Variants in ENO2 observed in about 807,000 individuals in gnomAD.
ENO2 encodes the protein gamma-enolase.
In ENO2, 19 loss-of-function variants were observed where a neutral mutation model predicts 48.7. That is an observed-to-expected ratio of 0.39 (90% CI 0.27 to 0.57). The LOEUF (loss-of-function observed/expected upper bound fraction) is 0.57. Among genes scored for constraint, ENO2 ranks in the 20% least tolerant of loss-of-function variants. ENO2 has a pLI of 0.58. For missense variants in ENO2, 416 were observed against 555.0 expected, an observed-to-expected ratio of 0.75 and a Z score of 2.52; for synonymous variants, 198 against 213.4, an observed-to-expected ratio of 0.93 and a Z score of 0.63.
At position 6,921,664 on chromosome 12, in the gene ENO2, G is replaced by A; in HGVS notation, c.949G>A (p.Gly317Ser). ...FTANVGIQIV[G>S]DDLTVTNPKR... Reference sequence around the variant, plus strand: ...AGCCAATGTAGGGATCCAGATTGTGGGTGATGACCTGACAGTGACCAACCC... The same window carrying A: ...AGCCAATGTAGGGATCCAGATTGTGAGTGATGACCTGACAGTGACCAACCC... Residue 317 changes from glycine (G) to serine (S), a missense_variant, in exon 9 of 12, where the codon GGT (glycine) becomes AGT (serine). By Grantham distance (56) the Gly-to-Ser change is moderately conservative (BLOSUM62 0). Coordinates refer to ENST00000229277, the MANE Select transcript of ENO2 (RefSeq NM_001975.3). 3 of 1,614,082 alleles carry A rather than the reference G, an allele frequency of 1.9e-6. No individual in the cohort carries two copies. The highest frequency in any genetic ancestry group is 2.5e-6 in the Non-Finnish European group (3 of 1,180,018).
In ENO2 at chr12:6,923,343, C is replaced by T. The variant is rs1178300966; in HGVS notation, c.*543C>T. 2 of 152,000 alleles carry T rather than the reference C, an allele frequency of 1.3e-5. No individual in the cohort carries two copies. Among genetic ancestry groups the T allele is most frequent in the East Asian group, 3.9e-4 (2 of 5,190 alleles). 9.4% of individuals were successfully genotyped at this position (152,000 alleles called of 1,614,324 possible). A position where few individuals can be genotyped will look rare whatever the true frequency, so the allele number is the denominator to read the frequency against. The stretch of plus-strand genomic sequence containing the variant: ...TTTCATTCATCCCATTAATCATTTC[C>T]CCATAACTCAATGGCCTAAAACTGG... On this transcript the variant is annotated 3_prime_UTR_variant, in exon 12 of 12. Coordinates refer to ENST00000229277, the MANE Select transcript of ENO2 (RefSeq NM_001975.3).
chr12:6,915,915 A>G lies in ENO2; in HGVS notation c.83A>G (p.Lys28Arg). The stretch of plus-strand genomic sequence containing the variant: ...GTGGAGGTGGATCTCTATACTGCCA[A>G]AGGTAATGGGTGTGGCATGGGCCTT... Reference protein sequence around the residue: ...PTVEVDLYTAKGLFRAAVPSG... With the variant: ...PTVEVDLYTARGLFRAAVPSG... The change falls in exon 2 of 12, where the codon AAA becomes AGA. Residue 28 changes from lysine (K) to arginine (R), a missense_variant and splice_region_variant. By Grantham distance (26) the Lys-to-Arg change is conservative (BLOSUM62 2). Coordinates refer to ENST00000229277, the MANE Select transcript of ENO2 (RefSeq NM_001975.3). 1.2e-6 allele frequency: 2 copies of G among 1,613,624 alleles called. No homozygotes were observed. Among genetic ancestry groups the G allele is most frequent in the Non-Finnish European group, 1.7e-6 (2 of 1,179,780 alleles).
At chr12:6,919,273 A>G (rs1278420583) in intron 7 of ENO2, among the ~76,000 whole-genome samples, 1 of 152,234 alleles carries the variant, frequency 6.6e-6, no homozygotes, top group Non-Finnish European at 1.5e-5. Flanking sequence ...CTCTCTGGAA[A>G]TAATAACAGA....
chr12:6,915,693 T>TTC, intron 1 of ENO2, 128 bp from the exon 2 acceptor site: 1 of 342,200 alleles, frequency 2.9e-6, no homozygotes, highest in South Asian at 2.2e-5. Flanking sequence ...AGCGCCTCCC[T>TTC]ACCCACCCCC....
intron 8 of ENO2, among the ~76,000 whole-genome samples, 185 bp downstream of exon 8, chr12:6,919,948 G>A (rs1945325178): frequency 6.6e-6 from 1 of 152,130 alleles, no homozygotes; most frequent in African/African-American, 2.4e-5. Flanking sequence ...TAAAAATGCA[G>A]GTACCCGTGA....
intron 1 of ENO2, 91 bp from the exon 2 acceptor site, chr12:6,915,708 CACTGCAGTAACCTCTTTCCCAT>C: frequency 3.2e-5 from 12 of 378,500 alleles, no homozygotes; most frequent in South Asian, 4.3e-5. Flanking sequence ...ACCCCCCACC[CACTGCAGTAACCTCTTTCCCAT>C]CCCTCCCAGC....
At chr12:6,915,598 A>C in intron 1 of ENO2, 8 of 498,836 alleles carry the variant, frequency 1.6e-5, no homozygotes, top group East Asian at 1.0e-4. Flanking sequence ...CCCCCACTGC[A>C]GTGACCTCCC....
In ENO2 at chr12:6,916,565, A is replaced by G; in HGVS notation, c.181+53A>G. ...TCCCCCACCTCAGCCTTATGCCCCT[A>G]CCTCACACCAGTCCCCAGTCCTCCT... On this transcript the variant is annotated intron_variant, in intron 3 of 11. Transcript: ENST00000229277. This position sits in a 1 kb window ranked among gnomAD's most constrained non-coding sequence, Gnocchi z 4.5. 6.2e-7 allele frequency: 1 copy of G among 1,611,462 alleles called. No homozygotes were observed. Among genetic ancestry groups the G allele is most frequent in the Non-Finnish European group, 8.5e-7 (1 of 1,178,156 alleles).
chr12:6,921,453 C>A, intron 8 of ENO2, 128 bp from the exon 9 acceptor site: 1 of 893,800 alleles, frequency 1.1e-6, no homozygotes, highest in Non-Finnish European at 1.8e-6. Flanking sequence ...TTTGTCTTAG[C>A]AAGGATGAGC....
chr12:6,922,000 T>G, intron 9 of ENO2, 56 bp from the exon 10 acceptor site: 2 of 1,606,576 alleles, frequency 1.2e-6, no homozygotes, highest in Non-Finnish European at 1.7e-6. Context: ...AGGTTGGGGC[T>G]GGGAAGAGAG....
chr12:6,917,915 C>T (rs782494861), intron 6 of ENO2, 25 bp from the exon 7 acceptor site: 36 of 1,612,814 alleles, frequency 2.2e-5, no homozygotes, highest in Non-Finnish European at 3.1e-5. Context: ...CTCTTTGACC[C>T]TTCTGTCTTT....
rs1311512378 is a variant in ENO2, at chr12:6,922,896, G to C, written c.*96G>C. On this transcript the variant is annotated 3_prime_UTR_variant, in exon 12 of 12. Coordinates refer to ENST00000229277, the MANE Select transcript of ENO2 (RefSeq NM_001975.3). The surrounding 1 kb of genome is among the most constrained non-coding windows in gnomAD (Gnocchi z 5.3). ...TAGTTCACCCCCTGAGATCCCCTGA[G>C]CCCCAGGGTGCCCAGAACTTCCCTG... is the stretch of plus-strand genomic sequence containing the variant. The C allele has an allele frequency of 4.1e-5, 57 of 1,396,584 alleles. No individual in the cohort carries two copies. In the South Asian group the frequency reaches 5.2e-4, roughly 13 times the overall value. 86.5% of individuals were successfully genotyped at this position (1,396,584 alleles called of 1,614,324 possible).
chr12:6,917,182 A>G (rs1945299575), intron 5 of ENO2, 75 bp downstream of exon 5: 1 of 1,552,812 alleles, frequency 6.4e-7, no homozygotes, highest in Non-Finnish European at 8.8e-7. Context: ...CTGAAGGGCC[A>G]GTGCTGTAGT....
At chr12:6,917,227 C>G in intron 5 of ENO2, 120 bp downstream of exon 5, 1 of 1,257,768 alleles carries the variant, frequency 8.0e-7, no homozygotes, top group Admixed American at 2.2e-5. Flanking sequence ...GGGCATTCTC[C>G]TCTCAAAGCC....
rs1232683494 is a variant in ENO2, at chr12:6,923,482, T to C, written c.*682T>C. The C allele has an allele frequency of 2.0e-5, 3 of 152,170 alleles. No individual in the cohort carries two copies. The highest frequency in any genetic ancestry group is 7.2e-5 in the African/African-American group (3 of 41,410). The allele number at this position is 152,170 out of a possible 1,614,324, so 9.4% of individuals were successfully genotyped here. A position where few individuals can be genotyped will look rare whatever the true frequency, so the allele number is the denominator to read the frequency against. ...GTCATAGAAAGGGCCTTGACATCAG[T>C]TCCTTTGTGTGTACTCACTGAAGCC... On this transcript the variant is annotated 3_prime_UTR_variant, in exon 12 of 12. Transcript: ENST00000229277.
intron 5 of ENO2, 175 bp from the exon 6 acceptor site, chr12:6,917,406 C>A (rs1945301612): frequency 7.7e-6 from 7 of 903,244 alleles, no homozygotes; most frequent in African/African-American, 1.7e-5. Flanking sequence ...CTCCTCCCCA[C>A]CCATTCCTCT....
chr12:6,918,709 C>G (rs782564770), intron 7 of ENO2, among the ~76,000 whole-genome samples: 1 of 150,624 alleles, frequency 6.6e-6, no homozygotes, highest in Non-Finnish European at 1.5e-5. Flanking sequence ...AGGCCGGGCG[C>G]GGTGGCTCAC....
rs11550250 is a variant in ENO2, at chr12:6,917,621, C to T, written c.351C>T (p.Ala117=). The T allele has an allele frequency of 7.4e-6, 12 of 1,613,578 alleles. No individual in the cohort carries two copies. The highest frequency in any genetic ancestry group is 2.2e-5 in the East Asian group (1 of 44,882). The change falls in exon 6 of 12, where the codon GCC becomes GCT. Residue 117 remains alanine, a synonymous_variant. Coordinates refer to ENST00000229277, the MANE Select transcript of ENO2 (RefSeq NM_001975.3). ...GANAILGVSL[A]VCKAGAAERE... ...ATGCCATCCTGGGTGTGTCTCTGGCCGTGTGTAAGGCAGGGGCAGCTGAGC... is the reference window on the plus strand; with the variant it reads ...ATGCCATCCTGGGTGTGTCTCTGGCTGTGTGTAAGGCAGGGGCAGCTGAGC...
chr12:6,922,113 G>C lies in ENO2; in HGVS notation c.1125G>C (p.Glu375Asp), dbSNP rs1555142178. The change falls in exon 10 of 12, where the codon GAG (glutamate) becomes GAC (aspartate). Residue 375 changes from glutamate (E) to aspartate (D), a missense_variant. By Grantham distance (45) the Glu-to-Asp change is conservative (BLOSUM62 2). Transcript: ENST00000229277. This position sits in a 1 kb window ranked among gnomAD's most constrained non-coding sequence, Gnocchi z 5.3. ...TCATGGTGAGTCATCGCTCAGGAGA[G>C]ACTGAGGACACATTCATTGCTGACC... ...WGVMVSHRSGETEDTFIADLV... is the reference protein window; with the variant it reads ...WGVMVSHRSGDTEDTFIADLV... 7 of 1,614,156 alleles carry C rather than the reference G, an allele frequency of 4.3e-6. No individual in the cohort carries two copies. The highest frequency in any genetic ancestry group is 5.9e-6 in the Non-Finnish European group (7 of 1,180,030).
Sources: allele counts gnomAD v4.1 joint callset (sites outside exome capture counted in the v4.1 genomes callset), GRCh38; gene constraint gnomAD v4.1.1; non-coding constraint Gnocchi (gnomAD v3.1); transcripts MANE v1.5; gene names NCBI Gene and HGNC (gene_info 2026-07-23, HGNC 2026-07-21).